The following RFX3 variants were observed in gnomAD, a reference collection of about 807,000 sequenced individuals.
RFX3 encodes transcription factor RFX3.
Under a neutral mutation model 98.6 loss-of-function variants are expected in RFX3, and 14 were observed. That is an observed-to-expected ratio of 0.14 (90% CI 0.09 to 0.22). The LOEUF is 0.22. RFX3 is among the 10% of genes least tolerant of loss of function. The pLI is 1.00. For synonymous variants in RFX3, 383 were observed against 328.4 expected, an observed-to-expected ratio of 1.17 and a Z score of -1.80; for missense variants, 639 against 926.9, an observed-to-expected ratio of 0.69 and a Z score of 4.03.
chr9:3,293,643 C>T (rs1827654698), intron 5 of RFX3, among the ~76,000 whole-genome samples: 1 of 152,096 alleles, frequency 6.6e-6, no homozygotes, highest in African/African-American at 2.4e-5. Context: ...AGCCTGGTAG[C>T]ATGGTAAACA....
At chr9:3,370,490 A>G (rs1837717476) in intron 2 of RFX3, among the ~76,000 whole-genome samples, 1 of 151,472 alleles carries the variant, frequency 6.6e-6, no homozygotes, top group African/African-American at 2.4e-5. Flanking sequence ...TTTAAAAACT[A>G]TTAATTATAT....
intron 4 of RFX3, among the ~76,000 whole-genome samples, chr9:3,322,354 G>A (rs1371414310): frequency 3.3e-5 from 5 of 152,080 alleles, no homozygotes; most frequent in Non-Finnish European, 7.4e-5. Flanking sequence ...TTTGTTGCCA[G>A]GCATTTTTTG....
intron 2 of RFX3, among the ~76,000 whole-genome samples, chr9:3,386,990 C>T (rs1839794865): frequency 6.6e-6 from 1 of 152,194 alleles, no homozygotes; most frequent in African/African-American, 2.4e-5. Flanking sequence ...ATATCCCTCA[C>T]TTCCCAGGTT....
intron 1 of RFX3, among the ~76,000 whole-genome samples, chr9:3,467,165 G>A (rs1033128351): frequency 3.0e-4 from 36 of 119,296 alleles, no homozygotes; most frequent in Admixed American, 9.0e-4. Flanking sequence ...ATGTATATAC[G>A]TATATAATGT....
chr9:3,398,619 A>G (rs1841142987), intron 1 of RFX3, among the ~76,000 whole-genome samples: 1 of 152,156 alleles, frequency 6.6e-6, no homozygotes, highest in Admixed American at 6.6e-5. Flanking sequence ...AAGCTGTTCA[A>G]CTAAGAGTAG....
chr9:3,413,819 AT>A (rs1481813778), intron 1 of RFX3, among the ~76,000 whole-genome samples: 2 of 152,088 alleles, frequency 1.3e-5, no homozygotes, highest in African/African-American at 2.4e-5. Context: ...TTTGAATAAT[AT>A]CCCAGTGTGG....
In RFX3 at chr9:3,225,677, G is replaced by T. The variant is rs553613311; in HGVS notation, c.2012-397C>A. Among the ~76,000 whole-genome samples, 43 of 152,130 alleles carry T rather than the reference G, an allele frequency of 2.8e-4. No homozygotes were observed. The South Asian group carries it at 8.9e-3, about 32-fold the overall frequency. On this transcript the variant is annotated intron_variant, in intron 16 of 16. Transcript: ENST00000617270. ...AGCTGAAAACGCAAACACAAAAAAA[G>T]TGTTGTTTCCTCCAAAAATCTACAC...
intron 1 of RFX3, among the ~76,000 whole-genome samples, chr9:3,422,868 A>G (rs1197253049): frequency 6.6e-6 from 1 of 152,192 alleles, no homozygotes; most frequent in African/African-American, 2.4e-5. Flanking sequence ...ATATAATTAC[A>G]GTAGGATTGC....
At chr9:3,467,628 T>A (rs374854234) in intron 1 of RFX3, among the ~76,000 whole-genome samples, 2 of 152,124 alleles carry the variant, frequency 1.3e-5, no homozygotes, top group Admixed American at 6.5e-5. Flanking sequence ...TAATTATAAA[T>A]CAAGACATCC....
chr9:3,268,825 C>T (rs1444921554), intron 11 of RFX3, among the ~76,000 whole-genome samples: 1 of 151,884 alleles, frequency 6.6e-6, no homozygotes, highest in Non-Finnish European at 1.5e-5. Flanking sequence ...GATTTTAGAA[C>T]TGTTTAATGA....
chr9:3,458,983 G>T (rs563400799), intron 1 of RFX3, among the ~76,000 whole-genome samples: 1 of 152,246 alleles, frequency 6.6e-6, no homozygotes, highest in South Asian at 2.1e-4. Flanking sequence ...TTAAATAAAT[G>T]CTAAGAATTT....
intron 1 of RFX3, among the ~76,000 whole-genome samples, chr9:3,397,731 T>G (rs1312807518): frequency 6.6e-6 from 1 of 152,172 alleles, no homozygotes; most frequent in Non-Finnish European, 1.5e-5. Context: ...GTGAAACCCC[T>G]AAAGCAGCAC....
rs112401079 is a variant in RFX3, at chr9:3,226,441, C to T, written c.2012-1161G>A. Among the ~76,000 whole-genome samples the T allele has an allele frequency of 9.9e-3, 1,508 of 152,256 alleles. 9 individuals are homozygous for T. Among genetic ancestry groups the T allele is most frequent in the African/African-American group, 0.014 (590 of 41,540 alleles). On this transcript the variant is annotated intron_variant, in intron 16 of 16. Coordinates refer to ENST00000617270, the MANE Select transcript of RFX3 (RefSeq NM_001282116.2). ...GAGGTAAAAGGGCTTCCATATATGG[C>T]TGTACAGTGTACAGCCACCATGAGC...
At chr9:3,270,327 T>C in intron 11 of RFX3, 44 bp downstream of exon 11, 3 of 1,553,410 alleles carry the variant, frequency 1.9e-6, no homozygotes, top group East Asian at 2.3e-5. Context: ...CTGGGTGGAA[T>C]GTATGAGAAC....
chr9:3,497,927 C>T (rs959575968), intron 1 of RFX3, among the ~76,000 whole-genome samples: 4 of 151,852 alleles, frequency 2.6e-5, no homozygotes, highest in African/African-American at 7.2e-5. Context: ...TGTAATTGCC[C>T]GTCTTTACTA....
intron 2 of RFX3, among the ~76,000 whole-genome samples, chr9:3,391,284 G>A (rs891538822): frequency 1.3e-5 from 2 of 151,840 alleles, no homozygotes; most frequent in Non-Finnish European, 2.9e-5. Context: ...GGACACCACT[G>A]GAATATACTG....
intron 1 of RFX3, among the ~76,000 whole-genome samples, chr9:3,416,009 C>T (rs1420830551): frequency 1.3e-5 from 2 of 152,140 alleles, no homozygotes; most frequent in Non-Finnish European, 2.9e-5. Context: ...CATTGCTTCT[C>T]TAACATGTGC....
chr9:3,247,170 C>T (rs1820788459), intron 15 of RFX3: 2 of 985,336 alleles, frequency 2.0e-6, no homozygotes, highest in Non-Finnish European at 2.4e-6. Context: ...ACTACCCCCG[C>T]CTCCTGCATT....
At chr9:3,337,075 C>T (rs1307825009) in intron 3 of RFX3, among the ~76,000 whole-genome samples, 1 of 151,916 alleles carries the variant, frequency 6.6e-6, no homozygotes, top group East Asian at 1.9e-4. Flanking sequence ...GTGGTAAAGG[C>T]CTTATGGGTA....
Sources: gnomAD v4.1 joint callset for allele counts (sites outside exome capture counted in the v4.1 genomes callset) on GRCh38, gnomAD v4.1.1 for gene constraint, MANE v1.5 for transcripts, NCBI Gene and HGNC (gene_info 2026-07-23, HGNC 2026-07-21) for gene names.